Variants in PRKG2 observed in about 807,000 individuals in gnomAD.
PRKG2 encodes the protein protein kinase cGMP-dependent 2.
In PRKG2, 33 loss-of-function variants were observed where a neutral mutation model predicts 97.2. The ratio of observed to expected loss-of-function variants is 0.34; its 90% CI spans 0.26 to 0.45. The LOEUF (loss-of-function observed/expected upper bound fraction) is 0.45. Ranked by LOEUF, PRKG2 falls within the 20% of genes least tolerant of loss-of-function variation. The probability of loss-of-function intolerance (pLI) is 1.00; values close to 1 mark genes in which losing one functional copy is unlikely to be tolerated. For synonymous variants in PRKG2, 330 were observed against 321.8 expected (o/e 1.03, Z -0.27); for missense variants, 638 against 900.0 (o/e 0.71, Z 3.73).
At chr4:81,188,781 C>T (rs1453274589) in intron 2 of PRKG2, among the ~76,000 whole-genome samples, 3 of 105,982 alleles carry the variant, frequency 2.8e-5, no homozygotes, top group South Asian at 3.3e-4. Flanking sequence ...GAACAAAAAA[C>T]GAAACACCGC....
At chr4:81,121,322 T>C (rs1380825309) in intron 14 of PRKG2, among the ~76,000 whole-genome samples, 3 of 152,132 alleles carry the variant, frequency 2.0e-5, no homozygotes, top group African/African-American at 7.2e-5. Flanking sequence ...ATAAAATCAG[T>C]TATGGAGTAT....
At chr4:81,135,442 C>A in intron 13 of PRKG2, 146 bp from the exon 14 acceptor site, 1 of 736,276 alleles carries the variant, frequency 1.4e-6, no homozygotes, top group Non-Finnish European at 2.0e-6. Flanking sequence ...TTATACTACC[C>A]ATGAATTAAG....
chr4:81,105,012 A>C (rs1186004113), intron 16 of PRKG2, among the ~76,000 whole-genome samples: 1 of 152,184 alleles, frequency 6.6e-6, no homozygotes, highest in Non-Finnish European at 1.5e-5. Context: ...GAAGATGGAA[A>C]GAGGTCATAT....
intron 2 of PRKG2, among the ~76,000 whole-genome samples, chr4:81,179,448 A>G (rs1456424314): frequency 6.6e-6 from 1 of 152,202 alleles, no homozygotes; most frequent in African/African-American, 2.4e-5. Flanking sequence ...ACCTTCAAAA[A>G]TGAAGGCAAA....
At chr4:81,100,870 G>C (rs1742675875) in intron 17 of PRKG2, among the ~76,000 whole-genome samples, 1 of 152,020 alleles carries the variant, frequency 6.6e-6, no homozygotes, top group Admixed American at 6.6e-5. Context: ...AAATTTACAA[G>C]AAAAAACAAA....
chr4:81,149,055 T>C, intron 8 of PRKG2, 103 bp from the exon 9 acceptor site: 3 of 1,073,688 alleles, frequency 2.8e-6, no homozygotes, highest in Non-Finnish European at 4.3e-6. Context: ...CCACCATCAC[T>C]TACACCTCCC....
intron 14 of PRKG2, among the ~76,000 whole-genome samples, chr4:81,125,385 A>G (rs1745454058): frequency 6.6e-6 from 1 of 152,204 alleles, no homozygotes; most frequent in African/African-American, 2.4e-5. Context: ...ACAAGGAATC[A>G]TGCAGAAGAT....
At chr4:81,115,847 C>T (rs1443538) in intron 14 of PRKG2, among the ~76,000 whole-genome samples, 36,030 of 152,032 alleles carry the variant, frequency 0.24, 5,695 homozygotes, top group East Asian at 0.46. Context: ...TAAATTTTTA[C>T]GTTTCTCAAT....
rs1188229101 is a variant in PRKG2 at position 81,177,001 on chromosome 4, G to T, written c.462-2042C>A. On this transcript the variant is annotated intron_variant, in intron 2 of 18. Coordinates refer to ENST00000264399, the MANE Select transcript of PRKG2 (RefSeq NM_006259.3). The stretch of plus-strand genomic sequence containing the variant: ...ACAAATTTTTTATTATAGATAAGCT[G>T]GTATCCTTATCATCCCCTATATCTT... Among the ~76,000 whole-genome samples, 6 of 152,042 alleles carry T rather than the reference G, an allele frequency of 3.9e-5. No homozygotes were observed. The East Asian group carries it at 1.2e-3, about 29-fold the overall frequency.
At chr4:81,162,400 A>G (rs930026929) in intron 6 of PRKG2, among the ~76,000 whole-genome samples, 4 of 152,122 alleles carry the variant, frequency 2.6e-5, no homozygotes, top group Admixed American at 6.5e-5. Flanking sequence ...ATTCCACACC[A>G]AGCCCATGCA....
chr4:81,176,996 A>C (rs1464257889), intron 2 of PRKG2, among the ~76,000 whole-genome samples: 1 of 152,186 alleles, frequency 6.6e-6, no homozygotes, highest in Non-Finnish European at 1.5e-5. Flanking sequence ...TATTATAGAT[A>C]AGCTGGTATC....
chr4:81,150,594 T>TA (rs1373980384), intron 8 of PRKG2, among the ~76,000 whole-genome samples: 1 of 152,196 alleles, frequency 6.6e-6, no homozygotes, highest in Non-Finnish European at 1.5e-5. Context: ...ATGCTTTTTT[T>TA]ATTGGAAAAC....
intron 6 of PRKG2, among the ~76,000 whole-genome samples, chr4:81,154,522 A>ACAGC (rs1553925243): frequency 5.9e-5 from 8 of 136,082 alleles, no homozygotes; most frequent in African/African-American, 1.0e-4. Context: ...GACACCTCAC[A>ACAGC]CGGCAGGGTA....
At chr4:81,090,147 C>T (rs1741400257) in intron 18 of PRKG2, among the ~76,000 whole-genome samples, 1 of 152,194 alleles carries the variant, frequency 6.6e-6, no homozygotes, top group South Asian at 2.1e-4. Flanking sequence ...CACCTGAAGT[C>T]AGGAGTTCGA....
At chr4:81,110,372 T>C in intron 15 of PRKG2, 76 bp downstream of exon 15, 1 of 1,465,876 alleles carries the variant, frequency 6.8e-7, no homozygotes, top group Non-Finnish European at 9.3e-7. Context: ...TCTTAAAGTA[T>C]ATACACTTTA....
At chr4:81,171,981 T>C (rs1028818094) in intron 3 of PRKG2, among the ~76,000 whole-genome samples, 177 bp from the exon 4 acceptor site, 4 of 151,976 alleles carry the variant, frequency 2.6e-5, no homozygotes, top group African/African-American at 9.7e-5. Context: ...TGCCACTTAC[T>C]ATTAGCTGGG....
chr4:81,182,974 T>A (rs891583712), intron 2 of PRKG2, among the ~76,000 whole-genome samples: 8 of 152,054 alleles, frequency 5.3e-5, no homozygotes, highest in Non-Finnish European at 1.0e-4. Flanking sequence ...TCAGGTTCAA[T>A]GAAATCCCAA....
chr4:81,195,756 T>G (rs1752920684), intron 2 of PRKG2, among the ~76,000 whole-genome samples: 1 of 152,254 alleles, frequency 6.6e-6, no homozygotes, highest in South Asian at 2.1e-4. Context: ...ACATTTTGTT[T>G]CTCCATTCAT....
chr4:81,143,171 T>C (rs999964693), intron 10 of PRKG2, among the ~76,000 whole-genome samples: 1 of 152,098 alleles, frequency 6.6e-6, no homozygotes, highest in Admixed American at 6.6e-5. Context: ...TACCAGGAAA[T>C]AGACGAATGC....
Sources: allele counts gnomAD v4.1 joint callset (sites outside exome capture counted in the v4.1 genomes callset), GRCh38; gene constraint gnomAD v4.1.1; transcripts MANE v1.5; gene names NCBI Gene and HGNC (gene_info 2026-07-23, HGNC 2026-07-21).